SMAD4: variants seen among roughly 807,000 people sequenced by gnomAD.
SMAD4 encodes SMAD family member 4.
In SMAD4, 7 loss-of-function variants were observed where a neutral mutation model predicts 63.2. The observed-to-expected ratio is 0.11, with a 90% confidence interval of 0.06 to 0.21. The LOEUF is 0.21. SMAD4 is among the 10% of genes least tolerant of loss of function. The pLI is 1.00. For synonymous variants in SMAD4, 215 were observed against 235.4 expected (o/e 0.91, Z 0.79); for missense variants, 312 against 693.8 (o/e 0.45, Z 6.18).
intron 10 of SMAD4, among the ~76,000 whole-genome samples, chr18:51,073,380 TATATATATACACAC>T (rs1231532374): frequency 8.0e-5 from 7 of 88,002 alleles, no homozygotes; most frequent in African/African-American, 2.5e-4. Flanking sequence ...TATATATATA[TATATATATACACAC>T]ACACACACAC....
chr18:51,059,527 A>T (rs983348353), intron 7 of SMAD4, among the ~76,000 whole-genome samples: 1 of 152,252 alleles, frequency 6.6e-6, no homozygotes, highest in East Asian at 1.9e-4. Flanking sequence ...CTAACAGTTT[A>T]TTATTATACA....
intron 8 of SMAD4, among the ~76,000 whole-genome samples, chr18:51,061,534 A>AT (rs554354116): frequency 6.4e-4 from 97 of 152,104 alleles, no homozygotes; most frequent in Middle Eastern, 3.4e-3. Flanking sequence ...ACTGAATCGC[A>AT]TTTTTTTTAT....
intron 1 of SMAD4, among the ~76,000 whole-genome samples, chr18:51,036,260 A>G (rs1909203276): frequency 1.3e-5 from 2 of 152,202 alleles, no homozygotes; most frequent in Non-Finnish European, 2.9e-5. Context: ...TTTTTATAGT[A>G]AGGTATTATT....
At chr18:51,034,139 T>C (rs1261623259) in intron 1 of SMAD4, among the ~76,000 whole-genome samples, 1 of 152,154 alleles carries the variant, frequency 6.6e-6, no homozygotes, top group Admixed American at 6.5e-5. Context: ...ATGTGTTGAA[T>C]TCATCTTTTT....
At chr18:51,065,027 T>C (rs899767927) in intron 8 of SMAD4, among the ~76,000 whole-genome samples, 1 of 152,262 alleles carries the variant, frequency 6.6e-6, no homozygotes, top group African/African-American at 2.4e-5. Context: ...AGAGAATATG[T>C]GTAGTCAAAT....
At chr18:51,043,021 C>G (rs1336484666) in intron 1 of SMAD4, among the ~76,000 whole-genome samples, 2 of 152,194 alleles carry the variant, frequency 1.3e-5, no homozygotes, top group African/African-American at 2.4e-5. Flanking sequence ...ATTATACATT[C>G]TAACTTAGTT....
intron 4 of SMAD4, among the ~76,000 whole-genome samples, chr18:51,050,553 G>A (rs1909679656): frequency 6.6e-6 from 1 of 151,656 alleles, no homozygotes; most frequent in Admixed American, 6.6e-5. Context: ...CAGCTACTTG[G>A]GAAGCTGAGG....
At position 51,084,969 on chromosome 18, in the gene SMAD4, T is replaced by TA. The variant is rs1263291059; in HGVS notation, c.*6508dup. 1 of 213,020 alleles carries TA rather than the reference T, an allele frequency of 4.7e-6. No individual in the cohort carries two copies. Among genetic ancestry groups the TA allele is most frequent in the Non-Finnish European group, 9.5e-6 (1 of 105,486 alleles). 13.2% of individuals were successfully genotyped at this position (213,020 alleles called of 1,614,324 possible). A position where few individuals can be genotyped will look rare whatever the true frequency, so the allele number is the denominator to read the frequency against. On this transcript the variant is annotated 3_prime_UTR_variant, in exon 12 of 12. Coordinates refer to ENST00000342988, the MANE Select transcript of SMAD4 (RefSeq NM_005359.6). ...CTTTTGCCTGGTTAAAGTCTGTGGC[T>TA]AAAAAATAGTCGAACCTTTCTTGAG...
chr18:51,075,442 G>C (rs941556795), intron 10 of SMAD4, among the ~76,000 whole-genome samples: 1 of 152,160 alleles, frequency 6.6e-6, no homozygotes, highest in Non-Finnish European at 1.5e-5. Context: ...TGTCCTTTTA[G>C]ATAGGGAGTA....
chr18:51,061,969 T>C (rs1222926735), intron 8 of SMAD4, among the ~76,000 whole-genome samples: 2 of 152,164 alleles, frequency 1.3e-5, no homozygotes, highest in Non-Finnish European at 2.9e-5. Context: ...TTTAAGAAAT[T>C]TGTAGAATTT....
rs532694225 is a variant in SMAD4, at chr18:51,064,479, A to G, written c.956-944A>G. On this transcript the variant is annotated intron_variant, in intron 8 of 11. Transcript: ENST00000342988. ...AGGGACTGTAGCTGTTTTGTTTTCT[A>G]CTGTGTATGCAGTGCCTAGAAAGAT... 7.9e-5 allele frequency among the ~76,000 whole-genome samples: 12 copies of G among 152,254 alleles called. No homozygotes were observed. The South Asian group carries it at 1.5e-3, about 18-fold the overall frequency.
At chr18:51,063,721 T>C (rs1243965760) in intron 8 of SMAD4, among the ~76,000 whole-genome samples, 2 of 152,198 alleles carry the variant, frequency 1.3e-5, no homozygotes, top group Non-Finnish European at 2.9e-5. Flanking sequence ...CTGAAAATAA[T>C]TTCATAAATA....
chr18:51,055,289 A>G (rs544561169), intron 5 of SMAD4, among the ~76,000 whole-genome samples: 1 of 152,264 alleles, frequency 6.6e-6, no homozygotes, highest in African/African-American at 2.4e-5. Context: ...AATAATTAAC[A>G]AGTAGTTTTG....
At position 51,080,211 on chromosome 18, in the gene SMAD4, A is replaced by G. The variant is rs1055905856; in HGVS notation, c.*1744A>G. The G allele has an allele frequency of 2.2e-5, 5 of 232,404 alleles. No homozygotes were observed. Among genetic ancestry groups the G allele is most frequent in the African/African-American group, 1.1e-4 (5 of 45,314 alleles). The allele number at this position is 232,404 out of a possible 1,614,324, so 14.4% of individuals were successfully genotyped here. A position where few individuals can be genotyped will look rare whatever the true frequency, so the allele number is the denominator to read the frequency against. ...GCTCAGAAGGTCTTTTAAATAGACC[A>G]TCCTAGAAACCACTGAGTTTGCTTA... On this transcript the variant is annotated 3_prime_UTR_variant, in exon 12 of 12. Coordinates refer to ENST00000342988, the MANE Select transcript of SMAD4 (RefSeq NM_005359.6).
At chr18:51,055,418 C>T (rs1909817129) in intron 5 of SMAD4, among the ~76,000 whole-genome samples, 2 of 151,974 alleles carry the variant, frequency 1.3e-5, no homozygotes. Flanking sequence ...GATTTTCTCA[C>T]TGTGCAAAGG....
At chr18:51,051,806 A>T (rs977267699) in intron 4 of SMAD4, among the ~76,000 whole-genome samples, 6 of 148,316 alleles carry the variant, frequency 4.0e-5, no homozygotes, top group Non-Finnish European at 7.5e-5. Flanking sequence ...CTCTTAGAAC[A>T]TTTTTTTTTT....
rs2097183680 is a variant in SMAD4, at chr18:51,083,157, T to C, written c.*4690T>C. ...CTTACAAAAACTGGGGTTACAAGGG[T>C]TACTAAATTAGCATCAGTAGCCAGA... On this transcript the variant is annotated 3_prime_UTR_variant, in exon 12 of 12. Transcript: ENST00000342988. The C allele has an allele frequency of 4.4e-6, 1 of 226,336 alleles. No homozygotes were observed. The highest frequency in any genetic ancestry group is 8.8e-6 in the Non-Finnish European group (1 of 113,776). 14.0% of individuals were successfully genotyped at this position (226,336 alleles called of 1,614,324 possible).
intron 5 of SMAD4, among the ~76,000 whole-genome samples, chr18:51,057,496 T>G (rs1909876465): frequency 6.6e-6 from 1 of 152,238 alleles, no homozygotes; most frequent in Non-Finnish European, 1.5e-5. Context: ...ATTCTTGGTT[T>G]ATAAAAGCTC....
chr18:51,076,123 G>C (rs925165993), intron 10 of SMAD4, among the ~76,000 whole-genome samples: 3 of 152,050 alleles, frequency 2.0e-5, no homozygotes, highest in Non-Finnish European at 4.4e-5. Flanking sequence ...AACAAGTCCT[G>C]GATATTATTT....
Sources: allele counts gnomAD v4.1 joint callset (sites outside exome capture counted in the v4.1 genomes callset), GRCh38; gene constraint gnomAD v4.1.1; transcripts MANE v1.5; gene names NCBI Gene and HGNC (gene_info 2026-07-23, HGNC 2026-07-21).